SEZ6L: variants seen among roughly 807,000 people sequenced by gnomAD.
The protein encoded by SEZ6L is seizure related 6 homolog like.
Under a neutral mutation model 106.2 loss-of-function variants are expected in SEZ6L, and 37 were observed. The ratio of observed to expected loss-of-function variants is 0.35; its 90% confidence interval spans 0.27 to 0.46. The LOEUF is 0.46. Among genes scored for constraint, SEZ6L ranks in the 20% least tolerant of loss-of-function variants. The probability of loss-of-function intolerance (pLI) is 1.00; values close to 1 mark genes in which losing one functional copy is unlikely to be tolerated. For missense variants in SEZ6L, 1,172 were observed against 1,332.8 expected (o/e 0.88, Z 1.88); for synonymous variants, 541 against 570.4 (o/e 0.95, Z 0.73).
At chr22:26,230,974 G>A (rs1472718745) in intron 1 of SEZ6L, among the ~76,000 whole-genome samples, 4 of 152,164 alleles carry the variant, frequency 2.6e-5, no homozygotes, top group East Asian at 1.9e-4. Context: ...AATGAAAGAC[G>A]AGCAAGCCCC....
intron 4 of SEZ6L, among the ~76,000 whole-genome samples, 180 bp downstream of exon 4, chr22:26,297,260 C>T (rs1200333856): frequency 1.3e-5 from 2 of 152,106 alleles, no homozygotes; most frequent in Non-Finnish European, 1.5e-5. Context: ...TTAAAGAAAA[C>T]GGTATTACTG....
chr22:26,250,618 T>C (rs2079542123), intron 1 of SEZ6L, among the ~76,000 whole-genome samples: 1 of 152,226 alleles, frequency 6.6e-6, no homozygotes, highest in South Asian at 2.1e-4. Context: ...TTTGTTCTTT[T>C]TGCTCAGGAT....
intron 1 of SEZ6L, among the ~76,000 whole-genome samples, chr22:26,231,569 G>A (rs1321623973): frequency 1.3e-5 from 2 of 152,186 alleles, no homozygotes; most frequent in African/African-American, 2.4e-5. Context: ...TGCAGTAGGG[G>A]ATGCAGTTTC....
intron 1 of SEZ6L, among the ~76,000 whole-genome samples, chr22:26,197,334 C>T (rs148983865): frequency 2.0e-5 from 3 of 152,264 alleles, no homozygotes; most frequent in African/African-American, 4.8e-5. Context: ...CACATTGCTA[C>T]GTGTACATTT....
At chr22:26,326,413 C>G (rs2082307083) in intron 9 of SEZ6L, among the ~76,000 whole-genome samples, 1 of 152,190 alleles carries the variant, frequency 6.6e-6, no homozygotes, top group African/African-American at 2.4e-5. Flanking sequence ...TATCAGAGGT[C>G]TGGAGATGAC....
At chr22:26,291,632 C>A (rs2081112041) in intron 1 of SEZ6L, among the ~76,000 whole-genome samples, 1 of 152,188 alleles carries the variant, frequency 6.6e-6, no homozygotes, top group African/African-American at 2.4e-5. Context: ...TCTCCTCCCC[C>A]ATCCCCCAAG....
intron 7 of SEZ6L, 53 bp from the exon 8 acceptor site, chr22:26,311,715 C>G (rs974615142): frequency 1.3e-6 from 2 of 1,491,862 alleles, no homozygotes; most frequent in Non-Finnish European, 1.9e-6. Context: ...AATATAGCAC[C>G]GTGGGGTAGT....
At chr22:26,333,949 G>A (rs556353001) in intron 9 of SEZ6L, among the ~76,000 whole-genome samples, 1 of 151,986 alleles carries the variant, frequency 6.6e-6, no homozygotes, top group Admixed American at 6.6e-5. Context: ...AGACTGATGA[G>A]CAATGCAGTC....
intron 6 of SEZ6L, among the ~76,000 whole-genome samples, chr22:26,306,705 G>C (rs1329203765): frequency 5.9e-5 from 9 of 152,282 alleles, no homozygotes; most frequent in Admixed American, 4.6e-4. Context: ...ATATTCTGCA[G>C]TATTATTCTA....
intron 9 of SEZ6L, 102 bp from the exon 10 acceptor site, chr22:26,340,334 A>T: frequency 9.0e-7 from 1 of 1,106,290 alleles, no homozygotes. Context: ...CCTGACACAT[A>T]CACACTTAAC....
chr22:26,383,348 A>C lies in SEZ6L; in HGVS notation c.*3053A>C, dbSNP rs981730674. 2.0e-5 allele frequency: 3 copies of C among 151,962 alleles called. No individual in the cohort carries two copies. The highest frequency in any genetic ancestry group is 7.2e-5 in the African/African-American group (3 of 41,394). The allele number at this position is 151,962 out of a possible 1,614,324, so 9.4% of individuals were successfully genotyped here. A position where few individuals can be genotyped will look rare whatever the true frequency, so the allele number is the denominator to read the frequency against. ...GCTGAGGCACGGGCCTCAGGCAAAA[A>C]TGCCCTTCGAGTGAATCCGAAGGGC... On this transcript the variant is annotated 3_prime_UTR_variant, in exon 17 of 17. Transcript: ENST00000248933.
At chr22:26,336,614 G>A (rs2082653066) in intron 9 of SEZ6L, among the ~76,000 whole-genome samples, 2 of 152,150 alleles carry the variant, frequency 1.3e-5, no homozygotes, top group Admixed American at 1.3e-4. Context: ...AACAACAGAA[G>A]AAATTGCATT....
chr22:26,174,063 G>A (rs1237591180), intron 1 of SEZ6L, among the ~76,000 whole-genome samples: 1 of 152,132 alleles, frequency 6.6e-6, no homozygotes, highest in Non-Finnish European at 1.5e-5. Flanking sequence ...ATATGATAAG[G>A]CTCCTGCCCC....
At chr22:26,196,012 C>A (rs1446269654) in intron 1 of SEZ6L, among the ~76,000 whole-genome samples, 1 of 152,130 alleles carries the variant, frequency 6.6e-6, no homozygotes, top group Non-Finnish European at 1.5e-5. Flanking sequence ...TAGTTTTGAT[C>A]TGTGTCCCTG....
At chr22:26,279,186 G>T (rs552881538) in intron 1 of SEZ6L, among the ~76,000 whole-genome samples, 45 of 152,328 alleles carry the variant, frequency 3.0e-4, no homozygotes, top group Admixed American at 5.9e-4. Context: ...CCTTAGGCAA[G>T]TTTTTTGAGT....
At chr22:26,205,119 G>A (rs1941208799) in intron 1 of SEZ6L, among the ~76,000 whole-genome samples, 1 of 152,188 alleles carries the variant, frequency 6.6e-6, no homozygotes, top group Non-Finnish European at 1.5e-5. Context: ...CAAATTTAAA[G>A]AGAAGAGAAA....
intron 1 of SEZ6L, among the ~76,000 whole-genome samples, chr22:26,277,216 G>C (rs2080578132): frequency 6.6e-6 from 1 of 151,212 alleles, no homozygotes; most frequent in South Asian, 2.1e-4. Context: ...CTCCCACCTT[G>C]GTCTCCCAAA....
At chr22:26,224,985 A>C (rs1242893736) in intron 1 of SEZ6L, among the ~76,000 whole-genome samples, 1 of 152,214 alleles carries the variant, frequency 6.6e-6, no homozygotes. Context: ...AAGCCCTACA[A>C]TTAACATGTT....
chr22:26,294,566 C>T (rs879096510), intron 3 of SEZ6L, 141 bp downstream of exon 3: 5 of 737,410 alleles, frequency 6.8e-6, no homozygotes, highest in Admixed American at 5.2e-5. Context: ...TGGGTTTTGG[C>T]GAATGAGTAG....
Sources: allele counts gnomAD v4.1 joint callset (sites outside exome capture counted in the v4.1 genomes callset), GRCh38; gene constraint gnomAD v4.1.1; transcripts MANE v1.5; gene names NCBI Gene and HGNC (gene_info 2026-07-23, HGNC 2026-07-21).